ROBO1: variants seen among roughly 807,000 people sequenced by gnomAD.
ROBO1 encodes roundabout homolog 1.
Under a neutral mutation model 195.9 loss-of-function variants are expected in ROBO1, and 149 were observed. The observed-to-expected ratio is 0.76, with a 90% CI of 0.67 to 0.87. The LOEUF is 0.87. Among genes scored for constraint, ROBO1 ranks in the 40% least tolerant of loss-of-function variants. The pLI is 0.00. For synonymous variants in ROBO1, 816 were observed against 733.2 expected (o/e 1.11, Z -1.82); for missense variants, 1,933 against 2,068.3 (o/e 0.93, Z 1.27).
intron 4 of ROBO1, among the ~76,000 whole-genome samples, chr3:78,784,554 T>C (rs893477435): frequency 4.6e-5 from 7 of 152,068 alleles, no homozygotes; most frequent in African/African-American, 1.2e-4. Context: ...AATGACAATG[T>C]ATATAATTAA....
intron 2 of ROBO1, among the ~76,000 whole-genome samples, chr3:79,565,319 A>G (rs1433921751): frequency 1.3e-5 from 2 of 151,934 alleles, no homozygotes; most frequent in Non-Finnish European, 2.9e-5. Context: ...CAAGGGACAC[A>G]TTGATTCTCG....
At chr3:78,778,303 G>C (rs1163684914) in intron 4 of ROBO1, among the ~76,000 whole-genome samples, 1 of 151,968 alleles carries the variant, frequency 6.6e-6, no homozygotes, top group Non-Finnish European at 1.5e-5. Flanking sequence ...TTCTTTTTTT[G>C]TTGTGTCTGT....
chr3:79,352,289 A>AT (rs1470380726), intron 2 of ROBO1, among the ~76,000 whole-genome samples: 1 of 152,042 alleles, frequency 6.6e-6, no homozygotes, highest in Non-Finnish European at 1.5e-5. Context: ...ACTATTCCTT[A>AT]TTTTTTCTTT....
chr3:78,931,147 A>G (rs1231412680), intron 4 of ROBO1, among the ~76,000 whole-genome samples: 3 of 150,158 alleles, frequency 2.0e-5, no homozygotes, highest in Admixed American at 6.6e-5. Context: ...AAAAAAAATC[A>G]CTTTTTTTTG....
chr3:79,388,068 A>T (rs1042444435), intron 2 of ROBO1, among the ~76,000 whole-genome samples: 1 of 152,298 alleles, frequency 6.6e-6, no homozygotes, highest in African/African-American at 2.4e-5. Flanking sequence ...TGGTTAAGCT[A>T]TTAAAAGACT....
intron 2 of ROBO1, among the ~76,000 whole-genome samples, chr3:79,550,338 T>A (rs1186132343): frequency 6.6e-6 from 1 of 152,144 alleles, no homozygotes; most frequent in Non-Finnish European, 1.5e-5. Context: ...ACCTTTCTAA[T>A]GGCAATCTAA....
chr3:79,499,829 AATTG>A (rs1310008559), intron 2 of ROBO1, among the ~76,000 whole-genome samples: 2 of 151,858 alleles, frequency 1.3e-5, no homozygotes, highest in African/African-American at 2.4e-5. Flanking sequence ...TTAATTAATT[AATTG>A]ATTGATTTTA....
chr3:79,400,719 G>T (rs1199217656), intron 2 of ROBO1, among the ~76,000 whole-genome samples: 2 of 151,920 alleles, frequency 1.3e-5, no homozygotes, highest in African/African-American at 4.8e-5. Flanking sequence ...ATATTAGGAG[G>T]AGATATAAAG....
At chr3:78,651,547 G>C (rs1706659206) in intron 19 of ROBO1, among the ~76,000 whole-genome samples, 185 bp downstream of exon 19, 1 of 152,086 alleles carries the variant, frequency 6.6e-6, no homozygotes, top group South Asian at 2.1e-4. Flanking sequence ...AACTCTATTT[G>C]TAGTTCTGCT....
chr3:79,056,694 C>T (rs901002636), intron 3 of ROBO1, among the ~76,000 whole-genome samples: 3 of 152,062 alleles, frequency 2.0e-5, no homozygotes, highest in Non-Finnish European at 2.9e-5. Flanking sequence ...TGAGGCGTCA[C>T]TAGAACTGGA....
chr3:79,742,511 C>T (rs1703692167), intron 1 of ROBO1, among the ~76,000 whole-genome samples: 1 of 152,094 alleles, frequency 6.6e-6, no homozygotes, highest in Non-Finnish European at 1.5e-5. Flanking sequence ...TCTCTCTCTC[C>T]CCACTGCCTC....
At chr3:79,669,956 G>C (rs1219164568) in intron 1 of ROBO1, among the ~76,000 whole-genome samples, 1 of 151,838 alleles carries the variant, frequency 6.6e-6, no homozygotes, top group Non-Finnish European at 1.5e-5. Flanking sequence ...ATTTAGAAGA[G>C]ACATTTTCCC....
At chr3:79,414,181 GTCTCTC>G (rs531510002) in intron 2 of ROBO1, among the ~76,000 whole-genome samples, 2 of 148,610 alleles carry the variant, frequency 1.3e-5, no homozygotes, top group Non-Finnish European at 3.0e-5. Context: ...TATATTAACA[GTCTCTC>G]TCTCTCTCTC....
chr3:79,294,937 G>A (rs2032496724), intron 2 of ROBO1, among the ~76,000 whole-genome samples: 1 of 152,186 alleles, frequency 6.6e-6, no homozygotes, highest in African/African-American at 2.4e-5. Flanking sequence ...TCATTAAAAT[G>A]TCAGTAAACA....
intron 3 of ROBO1, among the ~76,000 whole-genome samples, chr3:79,035,441 T>G (rs1185172510): frequency 6.6e-6 from 1 of 152,064 alleles, no homozygotes. Context: ...TAATGAGAAC[T>G]GGGTGAGGTG....
At chr3:79,626,362 G>A (rs148357050) in intron 1 of ROBO1, among the ~76,000 whole-genome samples, 90 of 152,216 alleles carry the variant, frequency 5.9e-4, no homozygotes, top group African/African-American at 2.0e-3. Flanking sequence ...ACTTGAACCC[G>A]GGAGGTGGAG....
intron 4 of ROBO1, among the ~76,000 whole-genome samples, chr3:78,768,991 G>A (rs2083299564): frequency 1.3e-5 from 2 of 152,004 alleles, no homozygotes; most frequent in Admixed American, 1.3e-4. Flanking sequence ...CTATCATATG[G>A]TCTGTCTTGG....
chr3:79,306,595 A>G (rs962336842), intron 2 of ROBO1, among the ~76,000 whole-genome samples: 1 of 152,232 alleles, frequency 6.6e-6, no homozygotes. Flanking sequence ...AGTGCTCCGC[A>G]AGCACAGCCA....
chr3:79,167,002 A>C (rs1292988137), intron 2 of ROBO1, among the ~76,000 whole-genome samples: 1 of 152,026 alleles, frequency 6.6e-6, no homozygotes, highest in African/African-American at 2.4e-5. Flanking sequence ...GCACATATCC[A>C]CGTGTCTCCA....
Sources: allele counts gnomAD v4.1 joint callset (sites outside exome capture counted in the v4.1 genomes callset), GRCh38; gene constraint gnomAD v4.1.1; transcripts MANE v1.5; gene names NCBI Gene and HGNC (gene_info 2026-07-23, HGNC 2026-07-21).